NRXN3: variants seen among roughly 807,000 people sequenced by gnomAD.
NRXN3 encodes the protein neurexin 3, also known as neurexin III.
A neutral mutation model predicts 137.6 loss-of-function variants in NRXN3; 32 were observed. The ratio of observed to expected loss-of-function variants is 0.23; its 90% confidence interval spans 0.18 to 0.31. The LOEUF (loss-of-function observed/expected upper bound fraction) is 0.31. Ranked by LOEUF, NRXN3 falls within the 10% of genes least tolerant of loss-of-function variation. The pLI, the probability that NRXN3 is intolerant of heterozygous loss-of-function variation, is 1.00. For synonymous variants in NRXN3, 798 were observed against 784.5 expected (o/e 1.02, Z -0.29); for missense variants, 1,574 against 2,062.5 (o/e 0.76, Z 4.59).
At chr14:78,979,548 A>G (rs1315657913) in intron 14 of NRXN3, among the ~76,000 whole-genome samples, 1 of 152,154 alleles carries the variant, frequency 6.6e-6, no homozygotes. Context: ...TAAATTTTAA[A>G]ATGTGAAAGT....
At chr14:79,221,638 G>T (rs138923168) in intron 15 of NRXN3, among the ~76,000 whole-genome samples, 4,186 of 152,178 alleles carry the variant, frequency 0.028, 140 homozygotes, top group South Asian at 0.085. Context: ...GTTCTTTGTA[G>T]ATTCCGGATA....
intron 20 of NRXN3, among the ~76,000 whole-genome samples, chr14:79,841,226 G>A (rs1447322536): frequency 6.6e-6 from 1 of 152,092 alleles, no homozygotes; most frequent in East Asian, 1.9e-4. Flanking sequence ...ACACCTTGGT[G>A]GTATTGATTT....
At chr14:79,488,565 G>A (rs2096680127) in intron 16 of NRXN3, among the ~76,000 whole-genome samples, 1 of 152,218 alleles carries the variant, frequency 6.6e-6, no homozygotes, top group African/African-American at 2.4e-5. Flanking sequence ...AGGGAAGGGT[G>A]AGAGAAAAAC....
At chr14:79,564,991 T>A (rs1193034651) in intron 16 of NRXN3, among the ~76,000 whole-genome samples, 1 of 152,100 alleles carries the variant, frequency 6.6e-6, no homozygotes, top group Non-Finnish European at 1.5e-5. Flanking sequence ...GGTGTGAGCA[T>A]CATGACCTCA....
intron 17 of NRXN3, among the ~76,000 whole-genome samples, chr14:79,677,605 A>C (rs1179520913): frequency 6.6e-6 from 1 of 152,156 alleles, no homozygotes; most frequent in Non-Finnish European, 1.5e-5. Context: ...AGGCAAACCA[A>C]GTGAAATCTA....
chr14:79,672,567 TAAAAC>T (rs145241327), intron 17 of NRXN3, among the ~76,000 whole-genome samples: 1 of 152,192 alleles, frequency 6.6e-6, no homozygotes, highest in East Asian at 1.9e-4. Context: ...TCTTCTGAAT[TAAAAC>T]AATCATCAAA....
chr14:78,611,757 C>T (rs2097302828), intron 4 of NRXN3, among the ~76,000 whole-genome samples: 1 of 152,220 alleles, frequency 6.6e-6, no homozygotes, highest in African/African-American at 2.4e-5. Flanking sequence ...TTTCTACCCA[C>T]TTTACTAGCA....
At chr14:78,537,187 C>A (rs2096544431) in intron 4 of NRXN3, among the ~76,000 whole-genome samples, 1 of 152,224 alleles carries the variant, frequency 6.6e-6, no homozygotes, top group African/African-American at 2.4e-5. Context: ...GCCACACTGT[C>A]TTCCACAATG....
At chr14:78,838,967 G>T (rs2099004688) in intron 10 of NRXN3, among the ~76,000 whole-genome samples, 8 of 152,116 alleles carry the variant, frequency 5.3e-5, no homozygotes, top group Admixed American at 5.2e-4. Context: ...TAGGTTATTT[G>T]CTGAAAACTA....
At chr14:78,221,429 G>A (rs990512672) in intron 1 of NRXN3, among the ~76,000 whole-genome samples, 1 of 152,186 alleles carries the variant, frequency 6.6e-6, no homozygotes, top group Non-Finnish European at 1.5e-5. Flanking sequence ...TGAAGCCAGG[G>A]CATTGAGCAC....
At chr14:78,853,056 C>T (rs1198810140) in intron 10 of NRXN3, among the ~76,000 whole-genome samples, 1 of 151,964 alleles carries the variant, frequency 6.6e-6, no homozygotes, top group African/African-American at 2.4e-5. Flanking sequence ...CCATTGTATA[C>T]ATGTATCATA....
At chr14:78,787,846 A>G (rs957565796) in intron 8 of NRXN3, among the ~76,000 whole-genome samples, 2 of 152,166 alleles carry the variant, frequency 1.3e-5, no homozygotes, top group African/African-American at 2.4e-5. Flanking sequence ...TTTGAATGCA[A>G]TCTCTACCAT....
intron 15 of NRXN3, among the ~76,000 whole-genome samples, chr14:79,159,799 C>G (rs1252262266): frequency 6.6e-6 from 1 of 151,816 alleles, no homozygotes; most frequent in Non-Finnish European, 1.5e-5. Flanking sequence ...TTCTCTTACT[C>G]CCTCAAACTA....
chr14:79,774,061 G>C (rs1454145054), intron 19 of NRXN3, among the ~76,000 whole-genome samples: 1 of 152,124 alleles, frequency 6.6e-6, no homozygotes, highest in Non-Finnish European at 1.5e-5. Context: ...TCGCTGGCAG[G>C]AATGTGTTCT....
chr14:79,861,814 C>A lies in NRXN3; in HGVS notation c.4566C>A (p.Asn1522Lys). ...TGTACGCCATGTACAAGTACAGGAACAGGGACGAGGGGTCCTATCAAGTGG... is the reference window on the plus strand; with the variant it reads ...TGTACGCCATGTACAAGTACAGGAAAAGGGACGAGGGGTCCTATCAAGTGG... ...ILLYAMYKYR[N>K]RDEGSYQVDE... is the part of the protein sequence containing the mutation. Residue 1522 changes from asparagine (N) to lysine (K), a missense_variant, in exon 21 of 21, where the codon AAC becomes AAA. By Grantham distance (94) the Asn-to-Lys change is moderately conservative. Transcript: ENST00000335750. This position sits in a 1 kb window ranked among gnomAD's most constrained non-coding sequence, Gnocchi z 5.4. 6.2e-7 allele frequency: 1 copy of A among 1,614,124 alleles called. No individual in the cohort carries two copies. The highest frequency in any genetic ancestry group is 8.5e-7 in the Non-Finnish European group (1 of 1,180,026).
At chr14:79,753,964 A>T (rs1041109974) in intron 19 of NRXN3, among the ~76,000 whole-genome samples, 1 of 152,068 alleles carries the variant, frequency 6.6e-6, no homozygotes, top group Non-Finnish European at 1.5e-5. Flanking sequence ...CAGCAGTTAT[A>T]TTGTTTTAGG....
chr14:79,021,536 A>G (rs1285194511), intron 15 of NRXN3, among the ~76,000 whole-genome samples: 1 of 152,200 alleles, frequency 6.6e-6, no homozygotes, highest in African/African-American at 2.4e-5. Flanking sequence ...GGAGAGTGCC[A>G]GGCACTTCAG....
intron 11 of NRXN3, among the ~76,000 whole-genome samples, chr14:78,963,490 A>G (rs1336874789): frequency 1.3e-5 from 2 of 152,154 alleles, no homozygotes; most frequent in African/African-American, 2.4e-5. Context: ...TCCTGGTAGG[A>G]GTAGCTATAG....
At chr14:79,738,849 G>A (rs1042503649) in intron 19 of NRXN3, among the ~76,000 whole-genome samples, 14 of 152,192 alleles carry the variant, frequency 9.2e-5, no homozygotes, top group South Asian at 2.1e-4. Context: ...ATGAGCCACT[G>A]CGCCCAGCCA....
Sources: allele counts gnomAD v4.1 joint callset (sites outside exome capture counted in the v4.1 genomes callset), GRCh38; gene constraint gnomAD v4.1.1; non-coding constraint Gnocchi (gnomAD v3.1); transcripts MANE v1.5; gene names NCBI Gene and HGNC (gene_info 2026-07-23, HGNC 2026-07-21).